Variants in KIF13A observed in about 807,000 individuals in gnomAD.
The protein encoded by KIF13A is kinesin family member 13A.
Under a neutral mutation model 212.2 loss-of-function variants are expected in KIF13A, and 79 were observed. The observed-to-expected ratio is 0.37, with a 90% CI of 0.31 to 0.45. The LOEUF is 0.45. Among genes scored for constraint, KIF13A ranks in the 20% least tolerant of loss-of-function variants. KIF13A has a pLI of 1.00. For missense variants in KIF13A, 1,901 were observed against 2,209.0 expected (o/e 0.86, Z 2.79); for synonymous variants, 789 against 808.6 (o/e 0.98, Z 0.41).
intron 12 of KIF13A, among the ~76,000 whole-genome samples, chr6:17,832,004 A>C (rs544525748): frequency 6.6e-6 from 1 of 152,106 alleles, no homozygotes; most frequent in Non-Finnish European, 1.5e-5. Context: ...TAGAATTTCC[A>C]ATGGTGTTAA....
intron 2 of KIF13A, among the ~76,000 whole-genome samples, chr6:17,956,438 A>G (rs1486828987): frequency 6.6e-6 from 1 of 152,210 alleles, no homozygotes; most frequent in Non-Finnish European, 1.5e-5. Flanking sequence ...TCCATCATCT[A>G]CTTTGTGCCT....
At chr6:17,818,134 A>G (rs1764112876) in intron 16 of KIF13A, among the ~76,000 whole-genome samples, 3 of 152,100 alleles carry the variant, frequency 2.0e-5, no homozygotes, top group Admixed American at 2.0e-4. Flanking sequence ...ATAGTAGAAC[A>G]AGAAAATCAT....
In KIF13A at chr6:17,777,420, G is replaced by A. The variant is rs1486889037; in HGVS notation, c.4093-66C>T. 1 of 1,336,580 alleles carries A rather than the reference G, an allele frequency of 7.5e-7. No homozygotes were observed. The highest frequency in any genetic ancestry group is 1.0e-6 in the Non-Finnish European group (1 of 953,518). The allele number at this position is 1,336,580 out of a possible 1,614,324, so 82.8% of individuals were successfully genotyped here. The stretch of plus-strand genomic sequence containing the variant: ...TTCCCCAGAGACAGAGTCTCACTCT[G>A]TTGCCCAGGCTGGAGTGTAGTGATG... On this transcript the variant is annotated intron_variant, in intron 33 of 38. Coordinates refer to ENST00000259711, the MANE Select transcript of KIF13A (RefSeq NM_022113.6). This position sits in a 1 kb window ranked among gnomAD's most constrained non-coding sequence, Gnocchi z 4.4.
chr6:17,847,928 C>T (rs1168663761), intron 9 of KIF13A, among the ~76,000 whole-genome samples: 1 of 152,114 alleles, frequency 6.6e-6, no homozygotes, highest in Admixed American at 6.6e-5. Flanking sequence ...TCTTCTGCCT[C>T]AGCCTCCCGA....
intron 38 of KIF13A, among the ~76,000 whole-genome samples, chr6:17,767,008 A>AAT (rs557127807): frequency 1.4e-4 from 21 of 152,252 alleles, no homozygotes; most frequent in Non-Finnish European, 2.9e-4. Flanking sequence ...ATCAAAGGTG[A>AAT]ATATCAAATA....
chr6:17,800,249 G>T (rs2150332421), intron 20 of KIF13A, 136 bp from the exon 21 acceptor site: 4 of 763,922 alleles, frequency 5.2e-6, no homozygotes, highest in Non-Finnish European at 8.2e-6. Context: ...GGCAACGGGA[G>T]CCCTGCTACT....
At chr6:17,954,736 C>T (rs569030047) in intron 2 of KIF13A, among the ~76,000 whole-genome samples, 7 of 152,104 alleles carry the variant, frequency 4.6e-5, no homozygotes, top group Non-Finnish European at 7.4e-5. Context: ...TGCAGTGTTG[C>T]GACCATAGCT....
chr6:17,864,497 C>G (rs1769166204), intron 4 of KIF13A, among the ~76,000 whole-genome samples: 1 of 151,974 alleles, frequency 6.6e-6, no homozygotes, highest in South Asian at 2.1e-4. Context: ...GAATCTTTTT[C>G]TTTTTTGAAA....
chr6:17,861,095 A>G (rs1346969614), intron 4 of KIF13A, among the ~76,000 whole-genome samples: 2 of 152,210 alleles, frequency 1.3e-5, no homozygotes, highest in African/African-American at 2.4e-5. Flanking sequence ...CAGATAAAAT[A>G]GAATTCAAAT....
At position 17,806,076 on chromosome 6, in the gene KIF13A, T is replaced by C. The variant is rs58359652; in HGVS notation, c.2164-461A>G. ...CTGGGACTATAGGCACATGACACCA[T>C]GACTGACTATTTTTTATTTTATTTT... On this transcript the variant is annotated intron_variant, in intron 18 of 38. Transcript: ENST00000259711. Among the ~76,000 whole-genome samples, 1,232 of 152,056 alleles carry C rather than the reference T, an allele frequency of 8.1e-3. 19 individuals carry two copies. The highest frequency in any genetic ancestry group is 0.029 in the African/African-American group (1,188 of 41,498).
At chr6:17,913,286 A>G (rs866239856) in intron 2 of KIF13A, among the ~76,000 whole-genome samples, 3 of 152,098 alleles carry the variant, frequency 2.0e-5, no homozygotes, top group Admixed American at 6.5e-5. Context: ...TGGGTTTGGG[A>G]AACTCACAGA....
chr6:17,959,832 T>C (rs1399682422), intron 2 of KIF13A, among the ~76,000 whole-genome samples: 1 of 152,204 alleles, frequency 6.6e-6, no homozygotes, highest in African/African-American at 2.4e-5. Flanking sequence ...GAGACCAGAC[T>C]GACCAACATG....
intron 2 of KIF13A, among the ~76,000 whole-genome samples, chr6:17,956,533 C>A (rs759390913): frequency 6.6e-6 from 1 of 152,178 alleles, no homozygotes; most frequent in Non-Finnish European, 1.5e-5. Flanking sequence ...TATGCCTAAG[C>A]AGCAAAGGTG....
chr6:17,901,003 A>G (rs917290513), intron 2 of KIF13A, among the ~76,000 whole-genome samples: 4 of 147,606 alleles, frequency 2.7e-5, no homozygotes, highest in Admixed American at 2.1e-4. Context: ...GCGTGAACCC[A>G]GGAGGCGGAG....
At chr6:17,885,873 G>A (rs1041731126) in intron 3 of KIF13A, among the ~76,000 whole-genome samples, 1 of 152,084 alleles carries the variant, frequency 6.6e-6, no homozygotes, top group African/African-American at 2.4e-5. Context: ...CCGCTTCACT[G>A]GTGGCTGAGG....
chr6:17,975,116 G>A (rs1010074485), intron 2 of KIF13A, among the ~76,000 whole-genome samples: 9 of 152,092 alleles, frequency 5.9e-5, no homozygotes, highest in African/African-American at 2.2e-4. Context: ...GAAAGAGGAG[G>A]GCAGATCATT....
In KIF13A at chr6:17,836,946, T is replaced by C. The variant is rs1278722927; in HGVS notation, c.1087A>G (p.Asn363Asp). ...VNHAVVNEDP[N>D]AKVIRELREE... ...CGCAGTTCTCGGATCACTTTTGCGT[T>C]GGGGTCCTCATTCACAACAGCATGG... Residue 363 changes from asparagine (N) to aspartate (D), a missense_variant, in exon 11 of 39, where the codon AAC (asparagine) becomes GAC (aspartate). By Grantham distance (23) the Asn-to-Asp change is conservative. Transcript: ENST00000259711. The C allele has an allele frequency of 1.9e-6, 3 of 1,613,846 alleles. No individual in the cohort carries two copies. Among genetic ancestry groups the C allele is most frequent in the Non-Finnish European group, 2.5e-6 (3 of 1,179,894 alleles).
intron 7 of KIF13A, 106 bp downstream of exon 7, chr6:17,851,849 G>A (rs1767683769): frequency 2.0e-6 from 1 of 501,306 alleles, no homozygotes; most frequent in Non-Finnish European, 3.4e-6. Flanking sequence ...GAGGCCCTGA[G>A]TAGTATCATT....
At chr6:17,958,825 A>C (rs1344520330) in intron 2 of KIF13A, among the ~76,000 whole-genome samples, 1 of 151,956 alleles carries the variant, frequency 6.6e-6, no homozygotes, top group East Asian at 1.9e-4. Flanking sequence ...ATAAAAATCC[A>C]ATTATAAAAC....
Sources: allele counts gnomAD v4.1 joint callset (sites outside exome capture counted in the v4.1 genomes callset), GRCh38; gene constraint gnomAD v4.1.1; non-coding constraint Gnocchi (gnomAD v3.1); transcripts MANE v1.5; gene names NCBI Gene and HGNC (gene_info 2026-07-23, HGNC 2026-07-21).